Variants in MIB1 observed in about 807,000 individuals in gnomAD.
The protein encoded by MIB1 is MIB E3 ubiquitin protein ligase 1.
A neutral mutation model predicts 124.5 loss-of-function variants in MIB1; 278 were observed. The ratio of observed to expected loss-of-function variants is 2.23; its 90% CI spans 2.02 to 2.47. The LOEUF (loss-of-function observed/expected upper bound fraction) is 2.47. Among genes scored for constraint, MIB1 ranks in the 30% most tolerant of loss-of-function variants. MIB1 has a pLI of 0.00. For missense variants in MIB1, 957 were observed against 1,254.4 expected (o/e 0.76, Z 3.58); for synonymous variants, 446 against 429.4 (o/e 1.04, Z -0.48).
chr18:21,815,011 TTATA>T (rs60363843), intron 10 of MIB1, among the ~76,000 whole-genome samples: 8,345 of 52,094 alleles, frequency 0.16, 633 homozygotes, highest in Non-Finnish European at 0.22. Flanking sequence ...GCTGTTGGTT[TTATA>T]TATATATATA....
chr18:21,831,690 C>T (rs1020519943), intron 12 of MIB1, among the ~76,000 whole-genome samples: 2 of 151,840 alleles, frequency 1.3e-5, no homozygotes, highest in African/African-American at 2.4e-5. Flanking sequence ...CCAAATAAAG[C>T]GGTCTCTCAT....
intron 1 of MIB1, among the ~76,000 whole-genome samples, chr18:21,728,126 C>T (rs183314293): frequency 5.6e-4 from 86 of 152,310 alleles, no homozygotes; most frequent in Non-Finnish European, 1.0e-3. Context: ...CTACCCACCA[C>T]CCCCAACCGC....
At chr18:21,838,675 T>A (rs2042055957) in intron 13 of MIB1, among the ~76,000 whole-genome samples, 178 bp downstream of exon 13, 1 of 152,190 alleles carries the variant, frequency 6.6e-6, no homozygotes, top group Non-Finnish European at 1.5e-5. Context: ...ACTTCTTAAA[T>A]GCAGGATGGT....
At chr18:21,815,885 G>A (rs1049539858) in intron 11 of MIB1, 72 bp downstream of exon 11, 1 of 1,335,960 alleles carries the variant, frequency 7.5e-7, no homozygotes, top group African/African-American at 1.5e-5. Flanking sequence ...TAAGTTCTAT[G>A]GTAAGCATTC....
Position 21,856,864 on chromosome 18 carries a change from C to G in MIB1, c.2666-266C>G, listed in dbSNP as rs1269548015. Among the ~76,000 whole-genome samples the G allele has an allele frequency of 2.0e-5, 3 of 152,108 alleles. No individual in the cohort carries two copies. In the South Asian group the frequency reaches 6.2e-4, roughly 31 times the overall value. On this transcript the variant is annotated intron_variant, in intron 18 of 20. Transcript: ENST00000261537. The stretch of plus-strand genomic sequence containing the variant: ...GAAATATTTATTGTGTCACTTATTT[C>G]TTTAAAAAACAAATTTCACAGTTTA...
chr18:21,841,500 A>G (rs1262805655), intron 13 of MIB1, among the ~76,000 whole-genome samples: 1 of 152,252 alleles, frequency 6.6e-6, no homozygotes. Context: ...GATTAACAAA[A>G]TAGAAATTAT....
chr18:21,734,038 C>T (rs1353868899), intron 1 of MIB1, among the ~76,000 whole-genome samples: 8 of 151,904 alleles, frequency 5.3e-5, no homozygotes, highest in African/African-American at 1.5e-4. Flanking sequence ...TAAGCATCAT[C>T]GATTTCACCA....
intron 1 of MIB1, among the ~76,000 whole-genome samples, chr18:21,734,005 C>T (rs1277849312): frequency 6.6e-6 from 1 of 152,102 alleles, no homozygotes; most frequent in Non-Finnish European, 1.5e-5. Context: ...TACTTTGGGG[C>T]ATTGTCCCCA....
chr18:21,740,003 C>T (rs892969227), upstream of MIB1, among the ~76,000 whole-genome samples: 4 of 151,956 alleles, frequency 2.6e-5, no homozygotes, highest in South Asian at 8.3e-4. Context: ...GTACATTTTA[C>T]GTCCGTTTTC....
rs57641355 is a variant in MIB1, at chr18:21,781,365, TTATATATATATATATATATATATA to T, written c.908+1707_908+1730del. Among the ~76,000 whole-genome samples the T allele has an allele frequency of 9.3e-3, 627 of 67,250 alleles. 9 individuals carry two copies. Among genetic ancestry groups the T allele is most frequent in the Non-Finnish European group, 0.012 (376 of 30,574 alleles). The allele number at this position is 67,250 out of a possible 152,430, so 44.1% of individuals were successfully genotyped here. On this transcript the variant is annotated intron_variant, in intron 6 of 20. Transcript: ENST00000261537. The stretch of plus-strand genomic sequence containing the variant: ...GTTACTCATTATTGGTCTGTTCAAG[TTATATATATATATATATATATATA>T]TATATATATATATATATATATATAT...
At chr18:21,765,614 C>T (rs1485577897) in intron 1 of MIB1, among the ~76,000 whole-genome samples, 158 bp from the exon 2 acceptor site, 4 of 152,118 alleles carry the variant, frequency 2.6e-5, no homozygotes, top group Non-Finnish European at 4.4e-5. Flanking sequence ...AGTTGAGATC[C>T]ATTATCTTGA....
At chr18:21,808,212 T>C (rs2041730305) in intron 10 of MIB1, among the ~76,000 whole-genome samples, 1 of 152,196 alleles carries the variant, frequency 6.6e-6, no homozygotes. Flanking sequence ...TCTCTAGTTA[T>C]CTCATTTGGT....
At chr18:21,796,671 G>A (rs1009670112) in intron 7 of MIB1, among the ~76,000 whole-genome samples, 20 of 152,152 alleles carry the variant, frequency 1.3e-4, no homozygotes, top group African/African-American at 4.8e-4. Flanking sequence ...TTAGTGCCCA[G>A]GTTATGGTTT....
At chr18:21,707,639 G>A (rs1187516750) in intron 1 of MIB1, among the ~76,000 whole-genome samples, 2 of 152,142 alleles carry the variant, frequency 1.3e-5, no homozygotes, top group African/African-American at 4.8e-5. Context: ...AAGATCAGAA[G>A]GAACCAACTC....
chr18:21,844,177 T>C lies in MIB1; in HGVS notation c.2135T>C (p.Leu712Ser). 6.2e-7 allele frequency: 1 copy of C among 1,614,158 alleles called. No individual in the cohort carries two copies. Among genetic ancestry groups the C allele is most frequent in the Non-Finnish European group, 8.5e-7 (1 of 1,180,012 alleles). ...PLHEALRHHTLSQLRQLQDMQ... is the reference protein window; with the variant it reads ...PLHEALRHHTSSQLRQLQDMQ... Reference sequence around the variant, plus strand: ...CATGAAGCTCTAAGGCATCACACTTTGTCTCAGCTACGTCAGCTCCAAGAT... The same window carrying C: ...CATGAAGCTCTAAGGCATCACACTTCGTCTCAGCTACGTCAGCTCCAAGAT... Residue 712 changes from leucine to serine, a missense_variant, in exon 15 of 21, where the codon TTG becomes TCG. By Grantham distance (145) the Leu-to-Ser change is moderately radical (BLOSUM62 -2). Transcript: ENST00000261537.
intron 1 of MIB1, among the ~76,000 whole-genome samples, chr18:21,706,549 C>T (rs1290716497): frequency 1.3e-5 from 2 of 152,166 alleles, no homozygotes; most frequent in African/African-American, 4.8e-5. Flanking sequence ...GCTGCTGTGC[C>T]CCGCGATCAC....
chr18:21,726,272 G>C (rs2040741758), intron 1 of MIB1, among the ~76,000 whole-genome samples: 1 of 152,022 alleles, frequency 6.6e-6, no homozygotes, highest in African/African-American at 2.4e-5. Context: ...AAAAAGATTG[G>C]CTGGGCGTGG....
intron 10 of MIB1, among the ~76,000 whole-genome samples, chr18:21,812,187 C>T (rs555875816): frequency 6.6e-6 from 1 of 152,062 alleles, no homozygotes; most frequent in Non-Finnish European, 1.5e-5. Context: ...AAGAGGGTGA[C>T]GACAAAGAGC....
chr18:21,803,230 A>T (rs1300394752), intron 9 of MIB1, among the ~76,000 whole-genome samples: 1 of 152,202 alleles, frequency 6.6e-6, no homozygotes, highest in Non-Finnish European at 1.5e-5. Context: ...GAAAGATAGT[A>T]TATAAACATG....
Sources: gnomAD v4.1 joint callset for allele counts (sites outside exome capture counted in the v4.1 genomes callset) on GRCh38, gnomAD v4.1.1 for gene constraint, MANE v1.5 for transcripts, NCBI Gene and HGNC (gene_info 2026-07-23, HGNC 2026-07-21) for gene names.